The following TMEM67 variants were observed in gnomAD, a reference collection of about 807,000 sequenced individuals.
TMEM67 encodes the protein meckelin.
A neutral mutation model predicts 136.6 loss-of-function variants in TMEM67; 124 were observed. The ratio of observed to expected loss-of-function variants is 0.91; its 90% confidence interval spans 0.78 to 1.05. The LOEUF (loss-of-function observed/expected upper bound fraction) is 1.05. Ranked by LOEUF, TMEM67 falls within the 50% of genes least tolerant of loss-of-function variation. TMEM67 has a pLI of 0.00. For synonymous variants in TMEM67, 364 were observed against 390.5 expected, an observed-to-expected ratio of 0.93 and a Z score of 0.80; for missense variants, 1,107 against 1,178.4, an observed-to-expected ratio of 0.94 and a Z score of 0.89.
chr8:93,756,043 G>A, intron 2 of TMEM67, 177 bp downstream of exon 2: 1 of 491,614 alleles, frequency 2.0e-6, no homozygotes, highest in Non-Finnish European at 3.6e-6. Flanking sequence ...TGCAAACTTG[G>A]AGAAAACAGA....
At chr8:93,773,072 G>T (rs1813394594) in intron 7 of TMEM67, among the ~76,000 whole-genome samples, 1 of 152,112 alleles carries the variant, frequency 6.6e-6, no homozygotes, top group South Asian at 2.1e-4. Context: ...GATGGGGTGG[G>T]GGGTGCTATT....
rs779126654 is a variant in TMEM67, at chr8:93,793,229, T to C, written c.1607T>C (p.Val536Ala). 2 of 1,614,046 alleles carry C rather than the reference T, an allele frequency of 1.2e-6. No individual in the cohort carries two copies. Residue 536 changes from valine to alanine, a missense_variant, in exon 16 of 28, where the codon GTT becomes GCT. Coordinates refer to ENST00000453321, the MANE Select transcript of TMEM67 (RefSeq NM_153704.6). ...IALGVLGGLAVLASLLKTAGW... is the reference protein window; with the variant it reads ...IALGVLGGLAALASLLKTAGW... ...TTGGGTGTATTGGGTGGGCTAGCTG[T>C]TTTAGCATCTCTTTTGAAGACAGCA...
chr8:93,793,264 A>G lies in TMEM67; in HGVS notation c.1642A>G (p.Arg548Gly), dbSNP rs1814466419. The G allele has an allele frequency of 6.2e-7, 1 of 1,614,112 alleles. No homozygotes were observed. The highest frequency in any genetic ancestry group is 8.5e-7 in the Non-Finnish European group (1 of 1,179,968). ...ASLLKTAGWK[R>G]RIGSPMIDLQ... ...TCTTTTGAAGACAGCAGGATGGAAG[A>G]GGCGCATTGGGAGTCCCATGATTGA... The change falls in exon 16 of 28, where the codon AGG (arginine) becomes GGG (glycine). Residue 548 changes from arginine to glycine, a missense_variant. By Grantham distance (125) the Arg-to-Gly change is moderately radical. This residue lies in a region of TMEM67 where 925 missense variants were observed against 1,002.4 expected (regional missense o/e 0.92). Transcript: ENST00000453321.
chr8:93,818,810 CAGAG>C (rs371960957), downstream of TMEM67, among the ~76,000 whole-genome samples: 3 of 151,648 alleles, frequency 2.0e-5, no homozygotes, highest in South Asian at 4.2e-4. Flanking sequence ...GTGTGTGAGA[CAGAG>C]AGAGAGAGAT....
At chr8:93,766,280 G>A (rs1221194257) in intron 6 of TMEM67, among the ~76,000 whole-genome samples, 14 of 152,134 alleles carry the variant, frequency 9.2e-5, no homozygotes, top group South Asian at 2.1e-4. Flanking sequence ...CACTACGCCC[G>A]GCTAATTTTT....
downstream of TMEM67, among the ~76,000 whole-genome samples, chr8:93,818,240 C>G (rs181838848): frequency 6.6e-6 from 1 of 152,168 alleles, no homozygotes; most frequent in Admixed American, 6.5e-5. Flanking sequence ...TATACTTTGA[C>G]TCTTATATCC....
At chr8:93,793,101 C>A in intron 15 of TMEM67, 97 bp from the exon 16 acceptor site, 1 of 1,109,476 alleles carries the variant, frequency 9.0e-7, no homozygotes, top group East Asian at 2.4e-5. Context: ...ATTTCCCACC[C>A]CACCATTTTT....
chr8:93,827,570 G>T, the TMEM67 span, among the ~76,000 whole-genome samples: 1 of 141,968 alleles, frequency 7.0e-6, no homozygotes, highest in Non-Finnish European at 1.5e-5. Context: ...CCTAATTTTT[G>T]TATTTTTTCT....
upstream of TMEM67, chr8:93,754,888 G>C: frequency 6.2e-7 from 1 of 1,602,970 alleles, no homozygotes; most frequent in South Asian, 1.1e-5. Flanking sequence ...GGGGGCTGGA[G>C]GCTGTGAGGC....
chr8:93,820,264 C>T (rs1362664893), downstream of TMEM67, among the ~76,000 whole-genome samples: 1 of 152,152 alleles, frequency 6.6e-6, no homozygotes, highest in Non-Finnish European at 1.5e-5. Flanking sequence ...CTCCCCTTGT[C>T]ATTCCTCACT....
At chr8:93,809,665 A>G (rs1258591228) in intron 25 of TMEM67, 120 bp from the exon 26 acceptor site, 2 of 658,502 alleles carry the variant, frequency 3.0e-6, no homozygotes, top group Non-Finnish European at 5.3e-6. Flanking sequence ...GTCTTTTTGA[A>G]GAACAGATTT....
rs146838062 is a variant in TMEM67 at position 93,754,943 on chromosome 8, C to G, written c.29C>G (p.Ala10Gly). The G allele has an allele frequency of 1.2e-6, 2 of 1,614,066 alleles. No homozygotes were observed. Among genetic ancestry groups the G allele is most frequent in the Non-Finnish European group, 1.7e-6 (2 of 1,180,032 alleles). The change falls in exon 1 of 28, where the codon GCA becomes GGA. Residue 10 changes from alanine (A) to glycine (G), a missense_variant. By Grantham distance (60) the Ala-to-Gly change is moderately conservative (BLOSUM62 0). Transcript: ENST00000453321. Reference protein sequence around the residue: MATRGGAGVAMAVWSLLSAR... With the variant: MATRGGAGVGMAVWSLLSAR... ...GCGACGCGCGGTGGGGCTGGGGTGG[C>G]AATGGCGGTTTGGTCCCTCTTATCC...
intron 15 of TMEM67, among the ~76,000 whole-genome samples, chr8:93,792,930 GC>G (rs1814446972): frequency 6.6e-6 from 1 of 151,826 alleles, no homozygotes; most frequent in Non-Finnish European, 1.5e-5. Flanking sequence ...CCACCACCAT[GC>G]CCAGCTAATT....
At chr8:93,818,865 C>G (rs367798167), downstream of TMEM67, 2 of 310,022 alleles carry the variant, frequency 6.5e-6, no homozygotes, top group Admixed American at 9.6e-5. Flanking sequence ...TGCAGTGGCA[C>G]GATTTTGGCC....
chr8:93,755,751 C>CTTTTTTTTTT (rs587779735), intron 1 of TMEM67, 27 bp from the exon 2 acceptor site: 39 of 633,116 alleles, frequency 6.2e-5, no homozygotes, highest in South Asian at 2.0e-4. Flanking sequence ...ATAAAATTGG[C>CTTTTTTTTTT]TTTTTTTTTT....
In TMEM67 at chr8:93,816,989, G is replaced by A. The variant is rs1808931282; in HGVS notation, c.*537G>A. ...TTCTAATTGCTCATCCTCTTTGGCA[G>A]TGGATTAATTCACTGTTGGGTTAAT... On this transcript the variant is annotated 3_prime_UTR_variant, in exon 28 of 28. Transcript: ENST00000453321. 6.6e-6 allele frequency: 1 copy of A among 152,630 alleles called. No individual in the cohort carries two copies. The highest frequency in any genetic ancestry group is 1.5e-5 in the Non-Finnish European group (1 of 68,340). The allele number at this position is 152,630 out of a possible 1,614,324, so 9.5% of individuals were successfully genotyped here.
rs1208665679 is a variant in TMEM67 at position 93,797,390 on chromosome 8, G to A, written c.2020G>A (p.Ala674Thr). 6.2e-7 allele frequency: 1 copy of A among 1,613,824 alleles called. No homozygotes were observed. The highest frequency in any genetic ancestry group is 8.5e-7 in the Non-Finnish European group (1 of 1,179,872). The change falls in exon 20 of 28, where the codon GCA becomes ACA. Residue 674 changes from alanine (A) to threonine (T), a missense_variant. Physicochemically the swap from Ala to Thr is moderately conservative, Grantham distance 58 (BLOSUM62 0). Around this residue, in one of 3 missense-constraint regions of TMEM67, gnomAD observed 925 missense variants for 1,002.4 expected, o/e 0.92. Transcript: ENST00000453321. ...PVSIWRTYFVANEWNEIQTVR... is the reference protein window; with the variant it reads ...PVSIWRTYFVTNEWNEIQTVR... ...AAGCATATGGAGAACATATTTTGTA[G>A]CAAATGAATGGAATGAAATTCAGAC...
intron 6 of TMEM67, chr8:93,769,623 A>G (rs1813244206): frequency 6.0e-6 from 1 of 167,144 alleles, no homozygotes. Flanking sequence ...ACGTGTAAGC[A>G]AAATCTAGTT....
chr8:93,789,439 T>C (rs1563465930), intron 14 of TMEM67, among the ~76,000 whole-genome samples: 1 of 151,992 alleles, frequency 6.6e-6, no homozygotes, highest in Non-Finnish European at 1.5e-5. Context: ...ATCAAGAATG[T>C]ATTTATTTTC....
Sources: allele counts gnomAD v4.1 joint callset (sites outside exome capture counted in the v4.1 genomes callset), GRCh38; gene constraint gnomAD v4.1.1; regional missense constraint gnomAD v4.1.1; transcripts MANE v1.5; gene names NCBI Gene and HGNC (gene_info 2026-07-23, HGNC 2026-07-21).